TTC39B: variants seen among roughly 807,000 people sequenced by gnomAD.
TTC39B encodes the protein tetratricopeptide repeat domain 39B.
TTC39B carries 92 observed loss-of-function variants against 96.6 expected under a neutral mutation model. That is an observed-to-expected ratio of 0.95 (90% CI 0.80 to 1.13). The LOEUF is 1.13. Among genes scored for constraint, TTC39B ranks in the 50% most tolerant of loss-of-function variants. TTC39B has a pLI of 0.00. For synonymous variants in TTC39B, 367 were observed against 299.4 expected, an observed-to-expected ratio of 1.23 and a Z score of -2.33; for missense variants, 955 against 809.3, an observed-to-expected ratio of 1.18 and a Z score of -2.18.
In TTC39B at chr9:15,182,798, A is replaced by G. The variant is rs1444159569; in HGVS notation, c.1615-383T>C. ...TTAAATGTCTGCCAGTTGTTTACAT[A>G]AAATGTTTCCAAGAATATCACTGGA... On this transcript the variant is annotated intron_variant, in intron 16 of 19. Transcript: ENST00000512701. 3.3e-5 allele frequency among the ~76,000 whole-genome samples: 5 copies of G among 152,352 alleles called. No individual in the cohort carries two copies. The East Asian group carries it at 9.6e-4, about 29-fold the overall frequency.
chr9:15,178,409 C>T (rs977562085), intron 17 of TTC39B, among the ~76,000 whole-genome samples: 3 of 151,504 alleles, frequency 2.0e-5, no homozygotes, highest in African/African-American at 4.8e-5. Context: ...CCCGTCTCTA[C>T]AAAAAAAAAT....
chr9:15,208,105 C>T (rs894404501), intron 6 of TTC39B, among the ~76,000 whole-genome samples: 23 of 151,426 alleles, frequency 1.5e-4, no homozygotes, highest in African/African-American at 5.6e-4. Context: ...TCTCGGCTCA[C>T]TGCAACCTCC....
At position 15,243,004 on chromosome 9, in the gene TTC39B, G is replaced by A. The variant is rs558490808; in HGVS notation, c.276-16992C>T. ...GAGAATGCCAAGCCCTTGGGCCACAGGCACACCAACAGTCCAGAAATCCTT... is the reference window on the plus strand; with the variant it reads ...GAGAATGCCAAGCCCTTGGGCCACAAGCACACCAACAGTCCAGAAATCCTT... On this transcript the variant is annotated intron_variant, in intron 2 of 19. Transcript: ENST00000512701. 1.2e-3 allele frequency among the ~76,000 whole-genome samples: 189 copies of A among 152,292 alleles called. 1 individual carries two copies. The highest frequency in any genetic ancestry group is 2.4e-3 in the Non-Finnish European group (163 of 68,026).
At chr9:15,253,969 C>A (rs974004768) in intron 2 of TTC39B, among the ~76,000 whole-genome samples, 2 of 152,130 alleles carry the variant, frequency 1.3e-5, no homozygotes, top group Admixed American at 1.3e-4. Flanking sequence ...TGCACCCTGG[C>A]CCCTGGCTCA....
In TTC39B at chr9:15,250,165, T is replaced by G. The variant is rs1055446216; in HGVS notation, c.275+17749A>C. ...TCCCAGGGCTTTCCAGGGCAGAATTTAAGACATGTCAGTTAAAGTGGCAGC... is the reference window on the plus strand; with the variant it reads ...TCCCAGGGCTTTCCAGGGCAGAATTGAAGACATGTCAGTTAAAGTGGCAGC... On this transcript the variant is annotated intron_variant, in intron 2 of 19. Transcript: ENST00000512701. 27 of 1,196,662 alleles carry G rather than the reference T, an allele frequency of 2.3e-5. No individual in the cohort carries two copies. The African/African-American group carries it at 3.4e-4, about 15-fold the overall frequency. The allele number at this position is 1,196,662 out of a possible 1,614,324, so 74.1% of individuals were successfully genotyped here. A position where few individuals can be genotyped will look rare whatever the true frequency, so the allele number is the denominator to read the frequency against.
chr9:15,307,030 G>A, intron 1 of TTC39B, 54 bp downstream of exon 1: 2 of 1,587,208 alleles, frequency 1.3e-6, no homozygotes, highest in Non-Finnish European at 1.7e-6. Context: ...CTTCTCTCCC[G>A]GACTCCTGTC....
At chr9:15,179,483 G>A (rs1287000430) in intron 17 of TTC39B, among the ~76,000 whole-genome samples, 6 of 152,156 alleles carry the variant, frequency 3.9e-5, no homozygotes, top group Admixed American at 3.9e-4. Context: ...TAACTTTCAA[G>A]CTCTGATAGG....
intron 2 of TTC39B, among the ~76,000 whole-genome samples, chr9:15,254,049 C>T (rs996843880): frequency 2.0e-5 from 3 of 152,012 alleles, no homozygotes; most frequent in South Asian, 2.1e-4. Context: ...CCATTCCATA[C>T]CCACATCCCC....
At chr9:15,229,790 C>T (rs1003454400) in intron 2 of TTC39B, among the ~76,000 whole-genome samples, 7 of 152,088 alleles carry the variant, frequency 4.6e-5, no homozygotes, top group African/African-American at 1.4e-4. Context: ...CATGGCTTTC[C>T]GAGACCTGTA....
At chr9:15,257,184 C>G (rs923315011) in intron 2 of TTC39B, among the ~76,000 whole-genome samples, 1 of 152,120 alleles carries the variant, frequency 6.6e-6, no homozygotes, top group African/African-American at 2.4e-5. Flanking sequence ...TAAACTATAG[C>G]TCTATATCAA....
chr9:15,251,668 TAC>T (rs397839174), intron 2 of TTC39B, among the ~76,000 whole-genome samples: 30,703 of 116,290 alleles, frequency 0.26, 5,010 homozygotes, highest in African/African-American at 0.48. Context: ...TATACGCGCA[TAC>T]ACACACACAC....
At chr9:15,215,774 G>A (rs184540437) in intron 3 of TTC39B, among the ~76,000 whole-genome samples, 6 of 152,050 alleles carry the variant, frequency 3.9e-5, no homozygotes, top group Non-Finnish European at 7.4e-5. Flanking sequence ...TGAGGCAGGA[G>A]AATTGCTTGA....
intron 3 of TTC39B, 136 bp from the exon 4 acceptor site, chr9:15,214,385 T>C: frequency 3.1e-6 from 2 of 640,862 alleles, no homozygotes; most frequent in Non-Finnish European, 5.3e-6. Flanking sequence ...TGTGTGTGGA[T>C]TCTGGAGACA....
chr9:15,278,324 C>A (rs1448259686), intron 1 of TTC39B, among the ~76,000 whole-genome samples: 1 of 152,028 alleles, frequency 6.6e-6, no homozygotes. Context: ...AAAAAATATG[C>A]ATAGTGATAT....
intron 19 of TTC39B, among the ~76,000 whole-genome samples, chr9:15,174,482 G>T (rs1260671949): frequency 1.3e-5 from 2 of 152,134 alleles, no homozygotes; most frequent in Non-Finnish European, 2.9e-5. Context: ...CTTTGAAACT[G>T]CCGCAATAAA....
At chr9:15,269,855 C>T (rs1423128055) in intron 1 of TTC39B, among the ~76,000 whole-genome samples, 1 of 87,212 alleles carries the variant, frequency 1.1e-5, no homozygotes, top group African/African-American at 5.7e-5. Flanking sequence ...ACTCCGTCTC[C>T]AAAAAAAAAG....
At chr9:15,235,074 A>G (rs1821715110) in intron 2 of TTC39B, among the ~76,000 whole-genome samples, 2 of 150,752 alleles carry the variant, frequency 1.3e-5, no homozygotes, top group African/African-American at 4.9e-5. Flanking sequence ...AAAACAAAAA[A>G]CAGAACTTCT....
chr9:15,283,004 A>T (rs1563787065), intron 1 of TTC39B, among the ~76,000 whole-genome samples: 1 of 152,228 alleles, frequency 6.6e-6, no homozygotes, highest in African/African-American at 2.4e-5. Flanking sequence ...TCTCAATCGT[A>T]ATTACAAAAT....
intron 3 of TTC39B, among the ~76,000 whole-genome samples, chr9:15,218,635 A>AATATATATATATATAT (rs1554774372): frequency 3.1e-4 from 46 of 149,526 alleles, no homozygotes; most frequent in African/African-American, 1.0e-3. Flanking sequence ...GTCTATTTTA[A>AATATATATATATATAT]ATATATATAT....
Sources: gnomAD v4.1 joint callset for allele counts (sites outside exome capture counted in the v4.1 genomes callset) on GRCh38, gnomAD v4.1.1 for gene constraint, MANE v1.5 for transcripts, NCBI Gene and HGNC (gene_info 2026-07-23, HGNC 2026-07-21) for gene names.